ZNF714: variants seen among roughly 807,000 people sequenced by gnomAD.
ZNF714 encodes zinc finger protein 714.
Under a neutral mutation model 46.2 loss-of-function variants are expected in ZNF714, and 32 were observed. That is an observed-to-expected ratio of 0.69 (90% confidence interval 0.52 to 0.93). The LOEUF is 0.93. Ranked by LOEUF, ZNF714 falls within the 40% of genes least tolerant of loss-of-function variation. The probability of loss-of-function intolerance (pLI) is 0.00; values close to 1 mark genes in which losing one functional copy is unlikely to be tolerated. For synonymous variants in ZNF714, 199 were observed against 213.1 expected, an observed-to-expected ratio of 0.93 and a Z score of 0.58; for missense variants, 635 against 646.3, an observed-to-expected ratio of 0.98 and a Z score of 0.19.
At chr19:21,103,563 G>T (rs1383532918) in intron 4 of ZNF714, among the ~76,000 whole-genome samples, 2 of 151,858 alleles carry the variant, frequency 1.3e-5, no homozygotes, top group Admixed American at 1.3e-4. Context: ...AAAAAAATGA[G>T]AAGAAAAAAC....
chr19:21,105,668 T>C (rs1192050588), intron 4 of ZNF714, among the ~76,000 whole-genome samples: 1 of 152,084 alleles, frequency 6.6e-6, no homozygotes, highest in Non-Finnish European at 1.5e-5. Context: ...TTTGAAATAT[T>C]TTTTGGCCAG....
At chr19:21,105,029 T>TC (rs1281197974) in intron 4 of ZNF714, among the ~76,000 whole-genome samples, 1 of 147,302 alleles carries the variant, frequency 6.8e-6, no homozygotes, top group Admixed American at 6.7e-5. Context: ...TTTCTTTCTT[T>TC]TTTTTTTTTT....
At chr19:21,084,158 G>A (rs1968721729) in intron 2 of ZNF714, 89 bp downstream of exon 2, 1 of 425,526 alleles carries the variant, frequency 2.4e-6, no homozygotes, top group South Asian at 9.5e-5. Flanking sequence ...TGAAATAAAT[G>A]TAGTGAAAGA....
intron 4 of ZNF714, among the ~76,000 whole-genome samples, chr19:21,102,081 CATG>C (rs1969194690): frequency 6.6e-6 from 1 of 152,052 alleles, no homozygotes; most frequent in African/African-American, 2.4e-5. Flanking sequence ...AGATGTGAGC[CATG>C]ATACCTGGCT....
At chr19:21,103,743 T>A (rs7254053) in intron 4 of ZNF714, among the ~76,000 whole-genome samples, 125,719 of 151,936 alleles carry the variant, frequency 0.83, 53,665 homozygotes, top group Middle Eastern at 0.94. Flanking sequence ...AAAAATTTTT[T>A]AAAATATCCA....
intron 4 of ZNF714, among the ~76,000 whole-genome samples, chr19:21,103,860 C>T (rs757938269): frequency 2.0e-5 from 3 of 152,156 alleles, no homozygotes; most frequent in Non-Finnish European, 4.4e-5. Context: ...TGCCACTGCA[C>T]TTCAGCTTGA....
Position 21,118,675 on chromosome 19 carries a change from A to G in ZNF714, c.*343A>G. Reference sequence around the variant, plus strand: ...TGTACAGAAACCCTACGAGGGTGAAAAACATGGCAAAGCCTTTAACAAGCC... The same window carrying G: ...TGTACAGAAACCCTACGAGGGTGAAGAACATGGCAAAGCCTTTAACAAGCC... On this transcript the variant is annotated 3_prime_UTR_variant, in exon 5 of 5. Transcript: ENST00000456283. 4.8e-6 allele frequency: 1 copy of G among 209,268 alleles called. No individual in the cohort carries two copies. Among genetic ancestry groups the G allele is most frequent in the South Asian group, 7.4e-5 (1 of 13,592 alleles). 13.0% of individuals were successfully genotyped at this position (209,268 alleles called of 1,614,324 possible). A position where few individuals can be genotyped will look rare whatever the true frequency, so the allele number is the denominator to read the frequency against.
intron 2 of ZNF714, among the ~76,000 whole-genome samples, chr19:21,085,598 C>T (rs1449471725): frequency 6.6e-6 from 1 of 152,128 alleles, no homozygotes; most frequent in Non-Finnish European, 1.5e-5. Context: ...AGCTTGAGCC[C>T]AGTGTCTCAG....
At chr19:21,116,209 T>C (rs1969593212) in intron 4 of ZNF714, among the ~76,000 whole-genome samples, 1 of 152,152 alleles carries the variant, frequency 6.6e-6, no homozygotes, top group African/African-American at 2.4e-5. Context: ...TGTGTTTACT[T>C]TTTAGTTAAA....
At chr19:21,091,406 T>C (rs1340985927) in intron 2 of ZNF714, 1 of 152,186 alleles carries the variant, frequency 6.6e-6, no homozygotes, top group Non-Finnish European at 1.5e-5. Context: ...TCTCACCTTG[T>C]GAGTTAGAAT....
chr19:21,088,039 A>T (rs551120865), intron 2 of ZNF714, among the ~76,000 whole-genome samples: 1 of 152,206 alleles, frequency 6.6e-6, no homozygotes, highest in South Asian at 2.1e-4. Flanking sequence ...ATAAGGTCTG[A>T]CTCCAGTGTA....
In ZNF714 at chr19:21,117,005, G is replaced by A. The variant is rs751852936; in HGVS notation, c.341G>A (p.Ser114Asn). 165 of 1,613,472 alleles carry A rather than the reference G, an allele frequency of 1.0e-4. 4 individuals are homozygous for A. In the South Asian group the frequency reaches 1.7e-3, roughly 17 times the overall value. ...ELNQCLTTTQ[S>N]KIFPCDKYIK... ...AACCAGTGTTTGACAACTACCCAGA[G>A]CAAAATATTTCCATGTGATAAATAT... is the stretch of plus-strand genomic sequence containing the variant. The change falls in exon 5 of 5, where the codon AGC becomes AAC. Residue 114 changes from serine to asparagine, a missense_variant. Ser to Asn is a conservative substitution (Grantham distance 46). Coordinates refer to ENST00000456283, the MANE Select transcript of ZNF714 (RefSeq NM_182515.4).
intron 2 of ZNF714, among the ~76,000 whole-genome samples, chr19:21,095,963 G>C (rs978943945): frequency 1.3e-5 from 2 of 152,112 alleles, no homozygotes; most frequent in Non-Finnish European, 2.9e-5. Flanking sequence ...GGCCTCATAT[G>C]ACTCTATGGT....
chr19:21,115,840 A>T (rs1969583830), intron 4 of ZNF714, among the ~76,000 whole-genome samples: 1 of 150,366 alleles, frequency 6.7e-6, no homozygotes, highest in African/African-American at 2.4e-5. Context: ...TACCTTTACA[A>T]TTTCTGTTTT....
chr19:21,091,296 C>T (rs1207368380), intron 2 of ZNF714: 2 of 152,204 alleles, frequency 1.3e-5, no homozygotes, highest in Non-Finnish European at 2.9e-5. Flanking sequence ...AGGTCACTCT[C>T]ATCACCATGT....
Position 21,118,666 on chromosome 19 carries a change from G to T in ZNF714, c.*334G>T. On this transcript the variant is annotated 3_prime_UTR_variant, in exon 5 of 5. Transcript: ENST00000456283. Reference sequence around the variant, plus strand: ...AATTCATACTGTACAGAAACCCTACGAGGGTGAAAAACATGGCAAAGCCTT... The same window carrying T: ...AATTCATACTGTACAGAAACCCTACTAGGGTGAAAAACATGGCAAAGCCTT... The T allele has an allele frequency of 4.6e-6, 1 of 215,452 alleles. No individual in the cohort carries two copies. 13.3% of individuals were successfully genotyped at this position (215,452 alleles called of 1,614,324 possible). A position where few individuals can be genotyped will look rare whatever the true frequency, so the allele number is the denominator to read the frequency against.
rs982812519 is a variant in ZNF714 at position 21,122,746 on chromosome 19, C to G, written c.*4414C>G. On this transcript the variant is annotated 3_prime_UTR_variant, in exon 5 of 5. Coordinates refer to ENST00000456283, the MANE Select transcript of ZNF714 (RefSeq NM_182515.4). ...AGTTTTCTGACTGTTCTCTTCACGC[C>G]ATTTCATTTCGCCTGGTATTTTGTA... 1 of 152,108 alleles carries G rather than the reference C, an allele frequency of 6.6e-6. No homozygotes were observed. The highest frequency in any genetic ancestry group is 2.4e-5 in the African/African-American group (1 of 41,412). The allele number at this position is 152,108 out of a possible 1,614,324, so 9.4% of individuals were successfully genotyped here.
chr19:21,093,902 G>A (rs1052545468), intron 2 of ZNF714, among the ~76,000 whole-genome samples: 7 of 152,176 alleles, frequency 4.6e-5, no homozygotes, highest in Admixed American at 2.0e-4. Flanking sequence ...CCAAAGTGCC[G>A]GGATTACAAG....
rs1186774066 is a variant in ZNF714, at chr19:21,082,243, G to C, written c.-282G>C. The C allele has an allele frequency of 8.0e-7, 1 of 1,252,494 alleles. No individual in the cohort carries two copies. The highest frequency in any genetic ancestry group is 1.2e-5 in the South Asian group (1 of 84,602). 77.6% of individuals were successfully genotyped at this position (1,252,494 alleles called of 1,614,324 possible). ...TGGAGCTGCAGGTCTCGCCTTCACTGCCCTGTGTCCTCTGCTCGCAGAGGC... is the reference window on the plus strand; with the variant it reads ...TGGAGCTGCAGGTCTCGCCTTCACTCCCCTGTGTCCTCTGCTCGCAGAGGC... On this transcript the variant is annotated 5_prime_UTR_variant, in exon 1 of 5. Coordinates refer to ENST00000456283, the MANE Select transcript of ZNF714 (RefSeq NM_182515.4).
Sources: allele counts gnomAD v4.1 joint callset (sites outside exome capture counted in the v4.1 genomes callset), GRCh38; gene constraint gnomAD v4.1.1; transcripts MANE v1.5; gene names NCBI Gene and HGNC (gene_info 2026-07-23, HGNC 2026-07-21).